Variants in BMPR1B observed in about 807,000 individuals in gnomAD.
BMPR1B encodes bone morphogenetic protein receptor type-1B.
A neutral mutation model predicts 59.1 loss-of-function variants in BMPR1B; 12 were observed. That is an observed-to-expected ratio of 0.20 (90% CI 0.13 to 0.33). The LOEUF is 0.33. Ranked by LOEUF, BMPR1B falls within the 10% of genes least tolerant of loss-of-function variation. The pLI, the probability that BMPR1B is intolerant of heterozygous loss-of-function variation, is 1.00. For synonymous variants in BMPR1B, 237 were observed against 207.3 expected, an observed-to-expected ratio of 1.14 and a Z score of -1.23; for missense variants, 550 against 610.9, an observed-to-expected ratio of 0.90 and a Z score of 1.05.
intron 3 of BMPR1B, among the ~76,000 whole-genome samples, chr4:95,054,394 G>A (rs1225113699): frequency 6.6e-6 from 1 of 152,174 alleles, no homozygotes; most frequent in Non-Finnish European, 1.5e-5. Context: ...AAGGAGGCAT[G>A]AGTACATCTT....
rs370150391 is a variant in BMPR1B, at chr4:94,833,287, A to T, written c.-182-42544A>T. 4.6e-5 allele frequency among the ~76,000 whole-genome samples: 7 copies of T among 152,220 alleles called. No individual in the cohort carries two copies. In the East Asian group the frequency reaches 7.7e-4, roughly 17 times the overall value. On this transcript the variant is annotated intron_variant, in intron 1 of 12. Transcript: ENST00000515059. Reference sequence around the variant, plus strand: ...TTAATTAATACAAAGTGCCTACCATAGTCACTGGCACATAGTAGATAATCA... The same window carrying T: ...TTAATTAATACAAAGTGCCTACCATTGTCACTGGCACATAGTAGATAATCA...
intron 1 of BMPR1B, among the ~76,000 whole-genome samples, chr4:94,847,917 G>A (rs576322714): frequency 6.6e-6 from 1 of 152,180 alleles, no homozygotes; most frequent in East Asian, 1.9e-4. Flanking sequence ...AACTAAAAGA[G>A]TATAATTGGA....
rs578126301 is a variant in BMPR1B, at chr4:95,017,394, C to T, written c.-18+21260C>T. The stretch of plus-strand genomic sequence containing the variant: ...CTCCACCTGTCTTCTTACTGCATCA[C>T]GAGGGACTTTTTTGCATGTATGTGG... On this transcript the variant is annotated intron_variant, in intron 3 of 12. Transcript: ENST00000515059. Among the ~76,000 whole-genome samples, 52 of 152,284 alleles carry T rather than the reference C, an allele frequency of 3.4e-4. No individual in the cohort carries two copies. In the South Asian group the frequency reaches 9.8e-3, roughly 29 times the overall value.
At chr4:94,961,306 A>T (rs1730343536) in intron 2 of BMPR1B, among the ~76,000 whole-genome samples, 2 of 152,126 alleles carry the variant, frequency 1.3e-5, no homozygotes, top group African/African-American at 4.8e-5. Context: ...GTTGTCTAGG[A>T]CAATGGCCGT....
chr4:95,016,177 C>G (rs1024514741), intron 3 of BMPR1B, among the ~76,000 whole-genome samples: 1 of 152,182 alleles, frequency 6.6e-6, no homozygotes, highest in African/African-American at 2.4e-5. Flanking sequence ...AAAAACTTTG[C>G]AACTGCCACA....
chr4:94,865,517 A>G (rs1277888578), intron 1 of BMPR1B, among the ~76,000 whole-genome samples: 1 of 152,032 alleles, frequency 6.6e-6, no homozygotes, highest in East Asian at 1.9e-4. Flanking sequence ...CAGCCTCCCG[A>G]GTAGCTGGAA....
At chr4:95,153,830 A>G (rs994522664) in intron 12 of BMPR1B, among the ~76,000 whole-genome samples, 3 of 152,154 alleles carry the variant, frequency 2.0e-5, no homozygotes, top group Non-Finnish European at 4.4e-5. Flanking sequence ...ACAGACCGAG[A>G]CCCTGTCTTA....
intron 3 of BMPR1B, among the ~76,000 whole-genome samples, chr4:95,070,696 A>G (rs1372114100): frequency 5.3e-5 from 8 of 152,062 alleles, no homozygotes; most frequent in Non-Finnish European, 1.2e-4. Context: ...CCCATATGTA[A>G]CTCACTGTGT....
intron 1 of BMPR1B, among the ~76,000 whole-genome samples, chr4:94,764,597 C>T (rs766582983): frequency 2.0e-5 from 3 of 152,176 alleles, no homozygotes; most frequent in Non-Finnish European, 4.4e-5. Flanking sequence ...TGAAAGCCTG[C>T]TCTTTGGAGT....
chr4:95,098,524 C>CT (rs962607094), intron 3 of BMPR1B, among the ~76,000 whole-genome samples: 193 of 150,564 alleles, frequency 1.3e-3, no homozygotes, highest in African/African-American at 4.1e-3. Flanking sequence ...ACATGAAGAT[C>CT]TTTTTTTTTG....
intron 3 of BMPR1B, among the ~76,000 whole-genome samples, chr4:95,012,448 G>T (rs886748688): frequency 2.3e-4 from 35 of 152,242 alleles, no homozygotes; most frequent in African/African-American, 7.7e-4. Context: ...CATACAGTTT[G>T]TGAATTATTA....
chr4:95,093,748 G>A (rs745457280), intron 3 of BMPR1B, among the ~76,000 whole-genome samples: 1 of 152,038 alleles, frequency 6.6e-6, no homozygotes, highest in Non-Finnish European at 1.5e-5. Flanking sequence ...CGATGTGTGA[G>A]TATGGTGAAA....
At chr4:95,122,082 G>A (rs562910178) in intron 6 of BMPR1B, among the ~76,000 whole-genome samples, 2 of 152,112 alleles carry the variant, frequency 1.3e-5, no homozygotes, top group African/African-American at 2.4e-5. Flanking sequence ...AGTGGTTCAC[G>A]CCTGTAATCC....
At chr4:94,856,809 C>T (rs1725776227) in intron 1 of BMPR1B, among the ~76,000 whole-genome samples, 1 of 152,216 alleles carries the variant, frequency 6.6e-6, no homozygotes, top group Non-Finnish European at 1.5e-5. Flanking sequence ...GAGGGCCTAT[C>T]ATCCTGAAGA....
chr4:95,062,307 T>C (rs569140505), intron 3 of BMPR1B, among the ~76,000 whole-genome samples: 11 of 152,306 alleles, frequency 7.2e-5, no homozygotes, highest in African/African-American at 2.4e-4. Context: ...ATTTCCTATT[T>C]ATTCTAATAT....
chr4:94,807,645 G>T (rs1210817697), intron 1 of BMPR1B, among the ~76,000 whole-genome samples: 1 of 152,172 alleles, frequency 6.6e-6, no homozygotes, highest in Non-Finnish European at 1.5e-5. Context: ...TCTAGGTCCA[G>T]CAATATGTTT....
chr4:94,930,491 G>A (rs927940099), intron 2 of BMPR1B, among the ~76,000 whole-genome samples: 1 of 152,044 alleles, frequency 6.6e-6, no homozygotes, highest in Non-Finnish European at 1.5e-5. Flanking sequence ...TACACTTTTA[G>A]AATTTATGGG....
At chr4:95,060,144 G>A (rs557631555) in intron 3 of BMPR1B, among the ~76,000 whole-genome samples, 2 of 152,172 alleles carry the variant, frequency 1.3e-5, no homozygotes, top group South Asian at 2.1e-4. Flanking sequence ...TAACATACAG[G>A]TCCCAATACC....
rs1252045365 is a variant in BMPR1B, at chr4:94,883,211, GT to G, written c.-113+7312del. Among the ~76,000 whole-genome samples, 3 of 152,246 alleles carry G rather than the reference GT, an allele frequency of 2.0e-5. No individual in the cohort carries two copies. The East Asian group carries it at 5.8e-4, about 29-fold the overall frequency. ...TCCAGAGCTGTTTGTTTATTATAAA[GT>G]GATGTGCATCTGAGGGAGAGAGTGT... On this transcript the variant is annotated intron_variant, in intron 2 of 12. Coordinates refer to ENST00000515059, the MANE Select transcript of BMPR1B (RefSeq NM_001203.3).
Sources: gnomAD v4.1 joint callset for allele counts (sites outside exome capture counted in the v4.1 genomes callset) on GRCh38, gnomAD v4.1.1 for gene constraint, MANE v1.5 for transcripts, NCBI Gene and HGNC (gene_info 2026-07-23, HGNC 2026-07-21) for gene names.